MAGI2: variants seen among roughly 807,000 people sequenced by gnomAD.
The protein encoded by MAGI2 is membrane-associated guanylate kinase, WW and PDZ domain-containing protein 2.
Under a neutral mutation model 133.3 loss-of-function variants are expected in MAGI2, and 35 were observed. The observed-to-expected ratio is 0.26, with a 90% CI of 0.20 to 0.35. The LOEUF (loss-of-function observed/expected upper bound fraction) is 0.35. Ranked by LOEUF, MAGI2 falls within the 10% of genes least tolerant of loss-of-function variation. MAGI2 has a pLI of 1.00. For synonymous variants in MAGI2, 729 were observed against 710.6 expected, an observed-to-expected ratio of 1.03 and a Z score of -0.41; for missense variants, 1,636 against 1,863.4, an observed-to-expected ratio of 0.88 and a Z score of 2.25.
At chr7:79,052,963 A>G (rs1482797498) in intron 1 of MAGI2, among the ~76,000 whole-genome samples, 2 of 152,090 alleles carry the variant, frequency 1.3e-5, no homozygotes, top group East Asian at 3.9e-4. Flanking sequence ...ACAAGGCCTC[A>G]AATCCTCTTT....
intron 1 of MAGI2, among the ~76,000 whole-genome samples, chr7:79,447,957 C>T (rs1233625246): frequency 6.6e-6 from 1 of 151,780 alleles, no homozygotes; most frequent in Non-Finnish European, 1.5e-5. Context: ...AGTTCAACAG[C>T]ATGATACTTA....
intron 10 of MAGI2, among the ~76,000 whole-genome samples, chr7:78,248,906 C>T (rs564088817): frequency 6.6e-6 from 1 of 151,702 alleles, no homozygotes; most frequent in Non-Finnish European, 1.5e-5. Context: ...TGAAAAAGAA[C>T]AATCAACAAC....
At chr7:78,124,915 T>G (rs1217672319) in intron 20 of MAGI2, among the ~76,000 whole-genome samples, 1 of 150,088 alleles carries the variant, frequency 6.7e-6, no homozygotes, top group Non-Finnish European at 1.5e-5. Flanking sequence ...CAGGCTGGAG[T>G]GCAGTGGCAC....
intron 1 of MAGI2, among the ~76,000 whole-genome samples, chr7:79,104,335 A>T (rs2129543451): frequency 1.3e-5 from 2 of 152,286 alleles, no homozygotes; most frequent in Middle Eastern, 3.4e-3. Flanking sequence ...CTAGTGCTTC[A>T]AACATGACAT....
intron 1 of MAGI2, among the ~76,000 whole-genome samples, chr7:79,205,804 T>A (rs1829001950): frequency 6.6e-6 from 1 of 151,482 alleles, no homozygotes; most frequent in Admixed American, 6.6e-5. Flanking sequence ...GTAATCATCT[T>A]AAAATAACCT....
chr7:78,819,066 G>A (rs1226283554), intron 2 of MAGI2, among the ~76,000 whole-genome samples: 2 of 152,102 alleles, frequency 1.3e-5, no homozygotes, highest in Non-Finnish European at 2.9e-5. Context: ...TAATAAAAGT[G>A]TGGTGAAAAA....
At chr7:78,637,413 T>C (rs1318907807) in intron 2 of MAGI2, among the ~76,000 whole-genome samples, 1 of 149,306 alleles carries the variant, frequency 6.7e-6, no homozygotes, top group Non-Finnish European at 1.5e-5. Context: ...TCACCAGCAG[T>C]GATACATGAT....
intron 2 of MAGI2, among the ~76,000 whole-genome samples, chr7:78,757,576 T>C (rs1824080992): frequency 6.6e-6 from 1 of 152,178 alleles, no homozygotes; most frequent in Admixed American, 6.5e-5. Flanking sequence ...TCAATGTCAC[T>C]AAAGCCAATG....
chr7:79,446,461 T>C (rs1472622294), intron 1 of MAGI2, among the ~76,000 whole-genome samples: 2 of 151,852 alleles, frequency 1.3e-5, no homozygotes, highest in Non-Finnish European at 2.9e-5. Flanking sequence ...ACTGCCATGG[T>C]TTTGACAGTG....
Position 79,453,629 on chromosome 7 carries a change from C to T in MAGI2, c.-309G>A. On this transcript the variant is annotated 5_prime_UTR_variant, in exon 1 of 22. Coordinates refer to ENST00000354212, the MANE Select transcript of MAGI2 (RefSeq NM_012301.4). ...GTGGCGTCGGCGGCGGCGGCGGCGG[C>T]AGCCGGAGCGAGCAGTAGCCGAGCT... is the stretch of plus-strand genomic sequence containing the variant. The T allele has an allele frequency of 2.1e-6, 2 of 974,336 alleles. No homozygotes were observed. The highest frequency in any genetic ancestry group is 2.5e-6 in the Non-Finnish European group (2 of 794,588). The allele number at this position is 974,336 out of a possible 1,614,324, so 60.4% of individuals were successfully genotyped here.
At chr7:78,887,891 T>A (rs570021181) in intron 2 of MAGI2, among the ~76,000 whole-genome samples, 1 of 152,158 alleles carries the variant, frequency 6.6e-6, no homozygotes, top group Non-Finnish European at 1.5e-5. Context: ...CGCAGGACAG[T>A]GGGTGCAGCG....
At chr7:79,218,272 C>A (rs1044937801) in intron 1 of MAGI2, among the ~76,000 whole-genome samples, 20 of 151,950 alleles carry the variant, frequency 1.3e-4, no homozygotes, top group African/African-American at 4.6e-4. Context: ...TGTGCTATCT[C>A]CAACTAGTGA....
intron 2 of MAGI2, among the ~76,000 whole-genome samples, chr7:78,892,072 T>C (rs1796809290): frequency 6.6e-6 from 1 of 152,110 alleles, no homozygotes; most frequent in Non-Finnish European, 1.5e-5. Flanking sequence ...ACAAGCATTC[T>C]TATACACCAA....
intron 1 of MAGI2, among the ~76,000 whole-genome samples, chr7:79,447,519 T>G (rs1431011647): frequency 6.6e-6 from 1 of 152,028 alleles, no homozygotes; most frequent in African/African-American, 2.4e-5. Flanking sequence ...TAGGATTAAT[T>G]CAACGAAAAT....
chr7:79,128,182 T>C (rs1007655926), intron 1 of MAGI2, among the ~76,000 whole-genome samples: 3 of 152,016 alleles, frequency 2.0e-5, no homozygotes, highest in Non-Finnish European at 4.4e-5. Context: ...AACCAATCTC[T>C]CTCCTTTTTT....
Position 79,071,622 on chromosome 7 carries a change from T to G in MAGI2, c.302-64416A>C, listed in dbSNP as rs532974273. On this transcript the variant is annotated intron_variant, in intron 1 of 21. Coordinates refer to ENST00000354212, the MANE Select transcript of MAGI2 (RefSeq NM_012301.4). ...TCTATAAGTCCCTGACTGGGCTTCC[T>G]GCAATTTTTTTTTTTTTTTTCCAGA... 3.1e-3 allele frequency among the ~76,000 whole-genome samples: 303 copies of G among 98,270 alleles called. 4 individuals are homozygous for G. Among genetic ancestry groups the G allele is most frequent in the African/African-American group, 8.9e-3 (273 of 30,760 alleles). The allele number at this position is 98,270 out of a possible 152,430, so 64.5% of individuals were successfully genotyped here.
Position 79,453,042 on chromosome 7 carries a change from G to C in MAGI2, c.279C>G (p.Leu93=). Reference sequence around the variant, plus strand: ...CACCTTGCTTGACACACTTGAGCCGGAGGGGGTCCTTGCAGTGTTTGATCA... The same window carrying C: ...CACCTTGCTTGACACACTTGAGCCGCAGGGGGTCCTTGCAGTGTTTGATCA... ...LAVIKHCKDP[L]RLKCVKQGGI... The change falls in exon 1 of 22, where the codon CTC becomes CTG. Residue 93 remains leucine, a synonymous_variant. Coordinates refer to ENST00000354212, the MANE Select transcript of MAGI2 (RefSeq NM_012301.4). The C allele has an allele frequency of 6.2e-7, 1 of 1,600,924 alleles. No individual in the cohort carries two copies. The highest frequency in any genetic ancestry group is 8.5e-7 in the Non-Finnish European group (1 of 1,173,062).
At chr7:78,196,685 C>G (rs891013923) in intron 11 of MAGI2, among the ~76,000 whole-genome samples, 6 of 152,190 alleles carry the variant, frequency 3.9e-5, no homozygotes, top group Non-Finnish European at 8.8e-5. Flanking sequence ...CCCTGCCCAC[C>G]TGGGACTGGG....
intron 2 of MAGI2, among the ~76,000 whole-genome samples, chr7:78,742,351 C>T (rs1006951948): frequency 5.2e-4 from 79 of 152,174 alleles, no homozygotes; most frequent in African/African-American, 1.7e-3. Flanking sequence ...TCCAGAGAAA[C>T]TGATTCTTCT....
Sources: gnomAD v4.1 joint callset for allele counts (sites outside exome capture counted in the v4.1 genomes callset) on GRCh38, gnomAD v4.1.1 for gene constraint, MANE v1.5 for transcripts, NCBI Gene and HGNC (gene_info 2026-07-23, HGNC 2026-07-21) for gene names.